CSPG5: variants seen among roughly 807,000 people sequenced by gnomAD.
The protein encoded by CSPG5 is chondroitin sulfate proteoglycan 5, also known as acidic leucine-rich EGF-like domain-containing brain protein.
CSPG5 carries 25 observed loss-of-function variants against 39.8 expected under a neutral mutation model. The ratio of observed to expected loss-of-function variants is 0.63; its 90% CI spans 0.46 to 0.88. The LOEUF is 0.88. CSPG5 is among the 40% of genes least tolerant of loss of function. The pLI, the probability that CSPG5 is intolerant of heterozygous loss-of-function variation, is 0.00. For missense variants in CSPG5, 627 were observed against 702.2 expected (o/e 0.89, Z 1.21); for synonymous variants, 295 against 303.9 (o/e 0.97, Z 0.31).
chr3:47,578,440 C>G lies in CSPG5; in HGVS notation c.97+157G>C, dbSNP rs1488643219. Among the ~76,000 whole-genome samples, 1 of 150,740 alleles carries G rather than the reference C, an allele frequency of 6.6e-6. No homozygotes were observed. The highest frequency in any genetic ancestry group is 1.5e-5 in the Non-Finnish European group (1 of 67,550). On this transcript the variant is annotated intron_variant, in intron 1 of 4. Transcript: ENST00000264723. The surrounding 1 kb of genome is among the most constrained non-coding windows in gnomAD (Gnocchi z 6.0). The stretch of plus-strand genomic sequence containing the variant: ...CGCGGGTCGGCCTTTCCCGGACCCC[C>G]ACCACCTCCTGGGACCATTCCGCCG...
rs190140462 is a variant in CSPG5 at position 47,571,082 on chromosome 3, G to A, written c.1382+1604C>T. On this transcript the variant is annotated intron_variant, in intron 3 of 4. Coordinates refer to ENST00000264723, the MANE Select transcript of CSPG5 (RefSeq NM_006574.4). Reference sequence around the variant, plus strand: ...ACCCTGGGTAACATAGTGAGACCCTGTCTCAATTAAATTAAAAAAAAAAAA... The same window carrying A: ...ACCCTGGGTAACATAGTGAGACCCTATCTCAATTAAATTAAAAAAAAAAAA... 5.4e-5 allele frequency among the ~76,000 whole-genome samples: 7 copies of A among 128,822 alleles called. 1 individual carries two copies. The East Asian group carries it at 1.2e-3, about 22-fold the overall frequency. The allele number at this position is 128,822 out of a possible 152,430, so 84.5% of individuals were successfully genotyped here. A position where few individuals can be genotyped will look rare whatever the true frequency, so the allele number is the denominator to read the frequency against.
intron 2 of CSPG5, among the ~76,000 whole-genome samples, chr3:47,573,691 G>A (rs1303645142): frequency 6.6e-6 from 1 of 152,206 alleles, no homozygotes; most frequent in Admixed American, 6.5e-5. Flanking sequence ...GGGAGGACAT[G>A]AACCTCAGGG....
chr3:47,562,662 C>G lies in CSPG5; in HGVS notation c.1558G>C (p.Glu520Gln), dbSNP rs768667696. Residue 520 changes from glutamate (E) to glutamine (Q), a missense_variant, in exon 5 of 5, where the codon GAG becomes CAG. Glu to Gln is a conservative substitution (Grantham distance 29). Transcript: ENST00000264723. ...NIQNSMSPKL[E>Q]GGKGDQADLD... Reference sequence around the variant, plus strand: ...TCAGCCTGGTCACCTTTGCCACCCTCAAGTTTGGGCGACATGGAGTTCTGG... The same window carrying G: ...TCAGCCTGGTCACCTTTGCCACCCTGAAGTTTGGGCGACATGGAGTTCTGG... The G allele has an allele frequency of 1.2e-6, 2 of 1,614,054 alleles. No homozygotes were observed. Among genetic ancestry groups the G allele is most frequent in the Non-Finnish European group, 1.7e-6 (2 of 1,180,024 alleles).
At chr3:47,576,171 A>G (rs2031721195) in intron 2 of CSPG5, among the ~76,000 whole-genome samples, 1 of 151,778 alleles carries the variant, frequency 6.6e-6, no homozygotes, top group African/African-American at 2.4e-5. Context: ...TCCCAACCTC[A>G]GGTGATGTGC....
At position 47,571,330 on chromosome 3, in the gene CSPG5, C is replaced by G. The variant is rs547162048; in HGVS notation, c.1382+1356G>C. 2.0e-5 allele frequency among the ~76,000 whole-genome samples: 3 copies of G among 152,286 alleles called. No individual in the cohort carries two copies. In the East Asian group the frequency reaches 5.8e-4, roughly 29 times the overall value. On this transcript the variant is annotated intron_variant, in intron 3 of 4. Transcript: ENST00000264723. ...CACAGGGCTGGCTAGAGGAAGAGGCCCTAGAATAGGGTCCTGCACCTGGCC... is the reference window on the plus strand; with the variant it reads ...CACAGGGCTGGCTAGAGGAAGAGGCGCTAGAATAGGGTCCTGCACCTGGCC...
chr3:47,566,890 C>T (rs1328699808), intron 4 of CSPG5, among the ~76,000 whole-genome samples: 3 of 152,150 alleles, frequency 2.0e-5, no homozygotes, highest in Non-Finnish European at 4.4e-5. Context: ...TGTGGCCAAC[C>T]ACACACCGTG....
intron 4 of CSPG5, among the ~76,000 whole-genome samples, chr3:47,563,084 T>C (rs910296391): frequency 6.6e-6 from 1 of 152,184 alleles, no homozygotes; most frequent in African/African-American, 2.4e-5. Flanking sequence ...TATAGCCTCA[T>C]GTGTTGATGA....
At chr3:47,570,385 T>C (rs1387345294) in intron 3 of CSPG5, among the ~76,000 whole-genome samples, 1 of 152,036 alleles carries the variant, frequency 6.6e-6, no homozygotes, top group Non-Finnish European at 1.5e-5. Context: ...ATTACAGGCA[T>C]GAGTCACAGC....
chr3:47,565,947 C>T (rs551239701), intron 4 of CSPG5, among the ~76,000 whole-genome samples: 6 of 152,298 alleles, frequency 3.9e-5, no homozygotes, highest in South Asian at 2.1e-4. Flanking sequence ...TGCTCAGCTA[C>T]GCAAGACACT....
At chr3:47,576,683 C>A in intron 2 of CSPG5, 150 bp downstream of exon 2, 1 of 878,508 alleles carries the variant, frequency 1.1e-6, no homozygotes. Context: ...TGGTCTTGAA[C>A]TCCTGACCTT....
At chr3:47,562,964 G>C (rs1321782393) in intron 4 of CSPG5, among the ~76,000 whole-genome samples, 1 of 152,192 alleles carries the variant, frequency 6.6e-6, no homozygotes. Flanking sequence ...GCCAGGCAGA[G>C]AGGAAAACTT....
intron 4 of CSPG5, among the ~76,000 whole-genome samples, chr3:47,568,475 G>A (rs1248836750): frequency 2.0e-5 from 3 of 152,336 alleles, no homozygotes; most frequent in African/African-American, 7.2e-5. Flanking sequence ...GGCTCTGCCA[G>A]TGTTTTGTAT....
rs184386152 is a variant in CSPG5 at position 47,575,758 on chromosome 3, G to A, written c.1193+1075C>T. 7.3e-3 allele frequency among the ~76,000 whole-genome samples: 1,105 copies of A among 151,920 alleles called. 9 individuals carry two copies. The highest frequency in any genetic ancestry group is 0.011 in the Non-Finnish European group (746 of 67,986). On this transcript the variant is annotated intron_variant, in intron 2 of 4. Transcript: ENST00000264723. ...TGCCTACATTCCTTCCAGGGAACTG[G>A]CCCCTCCTCCCGCCGAGCACAAGGC...
chr3:47,562,352 C>A lies in CSPG5; in HGVS notation c.*248G>T. The A allele has an allele frequency of 3.0e-6, 1 of 337,466 alleles. No homozygotes were observed. Among genetic ancestry groups the A allele is most frequent in the Non-Finnish European group, 5.3e-6 (1 of 189,268 alleles). The allele number at this position is 337,466 out of a possible 1,614,324, so 20.9% of individuals were successfully genotyped here. On this transcript the variant is annotated 3_prime_UTR_variant, in exon 5 of 5. Transcript: ENST00000264723. The stretch of plus-strand genomic sequence containing the variant: ...AATAACAGCACAGGTTTAGAAATCA[C>A]AGCAGCAGAAGCAATGTACAGACAG...
chr3:47,572,037 G>A lies in CSPG5; in HGVS notation c.1382+649C>T, dbSNP rs556892863. Among the ~76,000 whole-genome samples the A allele has an allele frequency of 6.6e-6, 1 of 152,214 alleles. No individual in the cohort carries two copies. Among genetic ancestry groups the A allele is most frequent in the African/African-American group, 2.4e-5 (1 of 41,536 alleles). On this transcript the variant is annotated intron_variant, in intron 3 of 4. Transcript: ENST00000264723. The surrounding 1 kb of genome is among the most constrained non-coding windows in gnomAD (Gnocchi z 4.5). ...GAGCTGAAATAAGATTCTACATCCC[G>A]TATGGCCCTTAAAATCCACAGTAGA...
chr3:47,576,229 G>A (rs968874786), intron 2 of CSPG5, among the ~76,000 whole-genome samples: 8 of 151,896 alleles, frequency 5.3e-5, no homozygotes, highest in African/African-American at 1.5e-4. Context: ...GAGCCACCAC[G>A]CCCGGCCTCA....
At chr3:47,575,929 C>CTTTTTTTTTTTT (rs370578310) in intron 2 of CSPG5, among the ~76,000 whole-genome samples, 3 of 99,626 alleles carry the variant, frequency 3.0e-5, no homozygotes, top group Non-Finnish European at 5.9e-5. Flanking sequence ...TTCATTTTGC[C>CTTTTTTTTTTTT]TTTTTTTTTT....
At position 47,577,679 on chromosome 3, in the gene CSPG5, C is replaced by T. The variant is rs776908099; in HGVS notation, c.347G>A (p.Gly116Asp). ...PGLGGVTAEA[G>D]SGDAQALPAT... Reference sequence around the variant, plus strand: ...TGGAAGGGCCTGGGCATCGCCGCTGCCCGCCTCTGCGGTCACTCCTCCCAG... The same window carrying T: ...TGGAAGGGCCTGGGCATCGCCGCTGTCCGCCTCTGCGGTCACTCCTCCCAG... Residue 116 changes from glycine (G) to aspartate (D), a missense_variant, in exon 2 of 5, where the codon GGC becomes GAC. Physicochemically the swap from Gly to Asp is moderately conservative, Grantham distance 94. Transcript: ENST00000264723. The surrounding 1 kb of genome is among the most constrained non-coding windows in gnomAD (Gnocchi z 4.7). 9.4e-6 allele frequency: 15 copies of T among 1,595,416 alleles called. No homozygotes were observed. The highest frequency in any genetic ancestry group is 1.3e-5 in the Non-Finnish European group (15 of 1,173,444).
At chr3:47,565,092 A>C (rs1252028798) in intron 4 of CSPG5, among the ~76,000 whole-genome samples, 2 of 152,110 alleles carry the variant, frequency 1.3e-5, no homozygotes, top group Non-Finnish European at 2.9e-5. Flanking sequence ...GGGGTACAGA[A>C]ACATTCTCAT....
Sources: allele counts gnomAD v4.1 joint callset (sites outside exome capture counted in the v4.1 genomes callset), GRCh38; gene constraint gnomAD v4.1.1; non-coding constraint Gnocchi (gnomAD v3.1); transcripts MANE v1.5; gene names NCBI Gene and HGNC (gene_info 2026-07-23, HGNC 2026-07-21).